Variants in HMGCLL1 observed in about 807,000 individuals in gnomAD.
HMGCLL1 encodes 3-hydroxy-3-methylglutaryl-CoA lyase like 1.
A neutral mutation model predicts 39.1 loss-of-function variants in HMGCLL1; 36 were observed. That is an observed-to-expected ratio of 0.92 (90% CI 0.71 to 1.22). The LOEUF is 1.22. HMGCLL1 is among the 50% of genes most tolerant of loss of function. The pLI is 0.00. For missense variants in HMGCLL1, 451 were observed against 416.5 expected (o/e 1.08, Z -0.72); for synonymous variants, 149 against 144.0 (o/e 1.03, Z -0.25).
intron 3 of HMGCLL1, among the ~76,000 whole-genome samples, chr6:55,539,914 GAAAGAAAA>G (rs1561946788): frequency 7.8e-6 from 1 of 128,814 alleles, no homozygotes; most frequent in Non-Finnish European, 1.7e-5. Context: ...AAGAAAGAAA[GAAAGAAAA>G]GGAGGATGAG....
chr6:55,442,887 C>T (rs1029594592), intron 7 of HMGCLL1, among the ~76,000 whole-genome samples: 3 of 152,088 alleles, frequency 2.0e-5, no homozygotes, highest in Non-Finnish European at 2.9e-5. Flanking sequence ...GATGTTGACC[C>T]GTCTCTGGGA....
the HMGCLL1 span, among the ~76,000 whole-genome samples, chr6:55,605,576 G>A: frequency 6.6e-6 from 1 of 151,930 alleles, no homozygotes; most frequent in Non-Finnish European, 1.5e-5. Flanking sequence ...GCCTAATTTT[G>A]CTTGAGCTTA....
chr6:55,534,347 G>A (rs1444659359), intron 3 of HMGCLL1, among the ~76,000 whole-genome samples: 1 of 152,032 alleles, frequency 6.6e-6, no homozygotes, highest in Non-Finnish European at 1.5e-5. Flanking sequence ...CAATATAAAG[G>A]TGGTAACTGT....
intron 1 of HMGCLL1, among the ~76,000 whole-genome samples, chr6:55,557,193 G>A (rs1770719601): frequency 6.6e-6 from 1 of 152,090 alleles, no homozygotes; most frequent in Non-Finnish European, 1.5e-5. Context: ...AGTCTTACAC[G>A]AAGATTTATT....
intron 7 of HMGCLL1, among the ~76,000 whole-genome samples, chr6:55,477,281 TATTATATATAAA>T (rs1765421737): frequency 4.5e-5 from 1 of 22,164 alleles, no homozygotes; most frequent in Non-Finnish European, 6.3e-5. Context: ...ATATATTATA[TATTATATATAAA>T]ATAATATATA....
chr6:55,478,484 G>C (rs893288861), intron 7 of HMGCLL1, among the ~76,000 whole-genome samples: 1 of 151,258 alleles, frequency 6.6e-6, no homozygotes, highest in African/African-American at 2.4e-5. Context: ...ACTGAGCAGT[G>C]ACTTCTTTGG....
intron 7 of HMGCLL1, among the ~76,000 whole-genome samples, chr6:55,463,149 A>C (rs1359620719): frequency 1.3e-5 from 2 of 150,382 alleles, no homozygotes; most frequent in Admixed American, 6.6e-5. Flanking sequence ...TCCTGCCTCA[A>C]CCTCCCGAGT....
chr6:55,530,357 A>G (rs888724986), intron 3 of HMGCLL1, among the ~76,000 whole-genome samples: 1 of 145,668 alleles, frequency 6.9e-6, no homozygotes, highest in Non-Finnish European at 1.6e-5. Flanking sequence ...CAAGACATTT[A>G]TAAAATAAAT....
chr6:55,677,266 T>C, the HMGCLL1 span, among the ~76,000 whole-genome samples: 1 of 152,066 alleles, frequency 6.6e-6, no homozygotes, highest in East Asian at 1.9e-4. Context: ...GCTGCACACC[T>C]GTGGTCCCAC....
intron 1 of HMGCLL1, among the ~76,000 whole-genome samples, chr6:55,550,058 C>T (rs1195225008): frequency 1.3e-5 from 2 of 151,880 alleles, no homozygotes; most frequent in African/African-American, 4.8e-5. Flanking sequence ...TCTCAGAAAA[C>T]AACAATCTAT....
chr6:55,489,928 C>T (rs1354634069), intron 7 of HMGCLL1, among the ~76,000 whole-genome samples: 1 of 152,038 alleles, frequency 6.6e-6, no homozygotes, highest in Non-Finnish European at 1.5e-5. Flanking sequence ...ATCCCAATAT[C>T]GTATTCTGTA....
At chr6:55,571,140 C>T (rs78642564) in intron 1 of HMGCLL1, among the ~76,000 whole-genome samples, 1 of 152,168 alleles carries the variant, frequency 6.6e-6, no homozygotes. Context: ...CAAACCATGT[C>T]AAATACCTAT....
At chr6:55,477,387 A>AT (rs1250328350) in intron 7 of HMGCLL1, among the ~76,000 whole-genome samples, 1 of 18,376 alleles carries the variant, frequency 5.4e-5, no homozygotes, top group African/African-American at 5.2e-4. Flanking sequence ...TATATTATCT[A>AT]AATATAATAT....
intron 3 of HMGCLL1, among the ~76,000 whole-genome samples, chr6:55,538,234 A>T (rs752953692): frequency 1.3e-5 from 2 of 152,218 alleles, no homozygotes; most frequent in Admixed American, 1.3e-4. Context: ...GAAACAAAAA[A>T]GAATTTCAAA....
intron 1 of HMGCLL1, among the ~76,000 whole-genome samples, chr6:55,545,705 C>T (rs1204465456): frequency 6.6e-6 from 1 of 151,904 alleles, no homozygotes; most frequent in African/African-American, 2.4e-5. Flanking sequence ...AGATAATGAG[C>T]TTATTTTTGA....
At chr6:55,465,290 G>A (rs74404388) in intron 7 of HMGCLL1, among the ~76,000 whole-genome samples, 14 of 151,782 alleles carry the variant, frequency 9.2e-5, no homozygotes, top group South Asian at 4.2e-4. Flanking sequence ...ACATTAATAC[G>A]TATGTCCATT....
At chr6:55,522,849 G>A (rs548969374) in intron 3 of HMGCLL1, among the ~76,000 whole-genome samples, 123 of 151,926 alleles carry the variant, frequency 8.1e-4, no homozygotes, top group Non-Finnish European at 1.5e-3. Flanking sequence ...TAGCTCTGCT[G>A]AAGATGAGAA....
chr6:55,503,914 G>T (rs1767023267), intron 5 of HMGCLL1, among the ~76,000 whole-genome samples: 1 of 151,734 alleles, frequency 6.6e-6, no homozygotes, highest in Non-Finnish European at 1.5e-5. Flanking sequence ...CCATTCCCAA[G>T]AACCCTCTCC....
At chr6:55,477,284 T>C (rs1262241123) in intron 7 of HMGCLL1, among the ~76,000 whole-genome samples, 1 of 16,870 alleles carries the variant, frequency 5.9e-5, no homozygotes, top group East Asian at 4.2e-3. Context: ...TATTATATAT[T>C]ATATATAAAA....
Sources: gnomAD v4.1 joint callset for allele counts (sites outside exome capture counted in the v4.1 genomes callset) on GRCh38, gnomAD v4.1.1 for gene constraint, MANE v1.5 for transcripts, NCBI Gene and HGNC (gene_info 2026-07-23, HGNC 2026-07-21) for gene names.